The following TMEM114 variants were observed in gnomAD, a reference collection of about 807,000 sequenced individuals.
TMEM114 encodes claudin-26.
Under a neutral mutation model 6.2 loss-of-function variants are expected in TMEM114, and 6 were observed. The ratio of observed to expected loss-of-function variants is 0.97; its 90% CI spans 0.53 to 1.91. TMEM114 has a LOEUF of 1.91. Among genes scored for constraint, TMEM114 ranks in the 40% most tolerant of loss-of-function variants. The pLI is 0.01. For missense variants in TMEM114, 218 were observed against 158.3 expected (o/e 1.38, Z -2.02); for synonymous variants, 104 against 73.0 (o/e 1.42, Z -2.16).
chr16:8,544,955 A>C (rs1172578416), intron 2 of TMEM114, among the ~76,000 whole-genome samples: 1 of 141,646 alleles, frequency 7.1e-6, no homozygotes, highest in Non-Finnish European at 1.5e-5. Flanking sequence ...CCTCCCCCCA[A>C]CCCCGTAATA....
intron 2 of TMEM114, among the ~76,000 whole-genome samples, chr16:8,573,296 C>T (rs1215063055): frequency 6.6e-6 from 1 of 152,174 alleles, no homozygotes; most frequent in Admixed American, 6.5e-5. Flanking sequence ...ACGGATCCAC[C>T]TGGAGAACAG....
chr16:8,580,721 C>T (rs1258523059), intron 2 of TMEM114, among the ~76,000 whole-genome samples: 1 of 152,120 alleles, frequency 6.6e-6, no homozygotes, highest in Non-Finnish European at 1.5e-5. Context: ...GATAGGGTCT[C>T]ACTCTGACAC....
intron 2 of TMEM114, among the ~76,000 whole-genome samples, chr16:8,586,713 T>C (rs1382439054): frequency 1.3e-5 from 2 of 152,142 alleles, no homozygotes; most frequent in African/African-American, 2.4e-5. Context: ...TTTCACCATG[T>C]TGGCCAGGCT....
At chr16:8,534,814 C>A (rs751450230), downstream of TMEM114, among the ~76,000 whole-genome samples, 33 of 152,346 alleles carry the variant, frequency 2.2e-4, no homozygotes, top group African/African-American at 7.7e-4. Context: ...TAGATACTGG[C>A]TGTGGGCCTT....
intron 2 of TMEM114, among the ~76,000 whole-genome samples, chr16:8,555,345 C>T (rs536265997): frequency 6.6e-6 from 1 of 152,192 alleles, no homozygotes; most frequent in African/African-American, 2.4e-5. Flanking sequence ...CAGGGCTACC[C>T]CACAGGCAAT....
chr16:8,585,786 A>G (rs903979312), intron 2 of TMEM114, among the ~76,000 whole-genome samples: 1 of 152,184 alleles, frequency 6.6e-6, no homozygotes, highest in African/African-American at 2.4e-5. Context: ...CTCTTTAAAT[A>G]CACTGTCCTG....
chr16:8,585,218 C>A (rs1253847023), intron 2 of TMEM114, among the ~76,000 whole-genome samples: 1 of 152,154 alleles, frequency 6.6e-6, no homozygotes, highest in African/African-American at 2.4e-5. Flanking sequence ...GATTCAATTA[C>A]CTCCCACCAG....
intron 2 of TMEM114, among the ~76,000 whole-genome samples, chr16:8,574,093 A>T (rs1901832358): frequency 1.3e-5 from 2 of 152,166 alleles, no homozygotes; most frequent in South Asian, 4.1e-4. Flanking sequence ...AAACTGAGGG[A>T]GCCCAATAGA....
At chr16:8,561,987 A>AGT (rs1901235554) in intron 2 of TMEM114, among the ~76,000 whole-genome samples, 1 of 151,582 alleles carries the variant, frequency 6.6e-6, no homozygotes, top group East Asian at 1.9e-4. Context: ...TGAATGAGTG[A>AGT]GTATATGAAT....
downstream of TMEM114, among the ~76,000 whole-genome samples, chr16:8,566,123 C>A (rs566591920): frequency 6.6e-6 from 1 of 152,136 alleles, no homozygotes; most frequent in Non-Finnish European, 1.5e-5. Flanking sequence ...GTAATCCCAG[C>A]ACTTTGGGAG....
At position 8,538,536 on chromosome 16, in the gene TMEM114, C is replaced by G. The variant is rs898156289; in HGVS notation, n.213-710G>C. Among the ~76,000 whole-genome samples the G allele has an allele frequency of 7.2e-5, 11 of 151,842 alleles. No homozygotes were observed. The South Asian group carries it at 2.1e-3, about 29-fold the overall frequency. ...TTTTTGTTTTTTTTTGAGACAGAGT[C>G]TTGCTCTGTCGCCCAGGCTGGAGTG... On this transcript the variant is annotated intron_variant and non_coding_transcript_variant, in intron 2 of 2. Coordinates refer to the TMEM114 transcript ENST00000623677.
rs568245197 is a variant in TMEM114, at chr16:8,539,198, C to G, written n.213-1372G>C. ...TGCCTGGTGTGCGGTGCTGAATAAA[C>G]GTTTGAGGATCCCTGGGCCAACTGC... On this transcript the variant is annotated intron_variant and non_coding_transcript_variant, in intron 2 of 2. Transcript: ENST00000623677. Among the ~76,000 whole-genome samples, 3 of 152,042 alleles carry G rather than the reference C, an allele frequency of 2.0e-5. No individual in the cohort carries two copies. In the East Asian group the frequency reaches 5.8e-4, roughly 29 times the overall value.
At chr16:8,536,734 A>C (rs1900371914), downstream of TMEM114, among the ~76,000 whole-genome samples, 1 of 151,842 alleles carries the variant, frequency 6.6e-6, no homozygotes, top group African/African-American at 2.4e-5. Context: ...CCAGGCATTT[A>C]GCTCAGGAAA....
At chr16:8,561,866 G>T (rs111208667) in intron 2 of TMEM114, among the ~76,000 whole-genome samples, 1 of 130,844 alleles carries the variant, frequency 7.6e-6, no homozygotes, top group Non-Finnish European at 1.7e-5. Flanking sequence ...GTGAGTGAGG[G>T]AATGAGTGAG....
At chr16:8,562,034 G>A (rs142820829) in intron 2 of TMEM114, among the ~76,000 whole-genome samples, 3 of 150,820 alleles carry the variant, frequency 2.0e-5, no homozygotes, top group Admixed American at 2.0e-4. Context: ...GTGAATGAGT[G>A]AGTAAATGAG....
At chr16:8,528,302 T>G in the TMEM114 span, among the ~76,000 whole-genome samples, 1 of 152,158 alleles carries the variant, frequency 6.6e-6, no homozygotes, top group Non-Finnish European at 1.5e-5. Context: ...TCATAAGTTC[T>G]GATAAAGGAG....
chr16:8,548,437 C>G (rs370251353), intron 2 of TMEM114, among the ~76,000 whole-genome samples: 5 of 152,108 alleles, frequency 3.3e-5, no homozygotes, highest in South Asian at 2.1e-4. Flanking sequence ...GCTTTACAAC[C>G]TTTTATTATT....
chr16:8,562,464 G>C (rs1901278042), intron 2 of TMEM114, among the ~76,000 whole-genome samples: 1 of 117,202 alleles, frequency 8.5e-6, no homozygotes, highest in South Asian at 2.7e-4. Flanking sequence ...GAGTGAGGGA[G>C]GGAGGGAATG....
At chr16:8,543,068 A>G (rs896132900) in intron 2 of TMEM114, among the ~76,000 whole-genome samples, 3 of 152,124 alleles carry the variant, frequency 2.0e-5, no homozygotes, top group African/African-American at 4.8e-5. Context: ...AGCCCTTCGA[A>G]AACTTTTAAT....
Sources: gnomAD v4.1 joint callset for allele counts (sites outside exome capture counted in the v4.1 genomes callset) on GRCh38, gnomAD v4.1.1 for gene constraint, MANE v1.5 for transcripts, NCBI Gene and HGNC (gene_info 2026-07-23, HGNC 2026-07-21) for gene names.